Variants in FARS2 observed in about 807,000 individuals in gnomAD.
FARS2 encodes the protein phenylalanine--tRNA ligase, mitochondrial.
FARS2 carries 40 observed loss-of-function variants against 46.4 expected under a neutral mutation model. The observed-to-expected ratio is 0.86, with a 90% confidence interval of 0.67 to 1.12. The LOEUF is 1.12. FARS2 is among the 50% of genes most tolerant of loss of function. The probability of loss-of-function intolerance (pLI) is 0.00; values close to 1 mark genes in which losing one functional copy is unlikely to be tolerated. For synonymous variants in FARS2, 234 were observed against 214.9 expected (o/e 1.09, Z -0.78); for missense variants, 513 against 567.9 (o/e 0.90, Z 0.98).
intron 2 of FARS2, among the ~76,000 whole-genome samples, chr6:5,397,195 T>C (rs925586521): frequency 2.6e-5 from 4 of 152,284 alleles, no homozygotes; most frequent in Non-Finnish European, 4.4e-5. Flanking sequence ...GAAGACAAGC[T>C]GAAAAGGCTC....
At chr6:5,259,745 G>C (rs553572779), upstream of FARS2, among the ~76,000 whole-genome samples, 40 of 152,224 alleles carry the variant, frequency 2.6e-4, no homozygotes, top group East Asian at 2.1e-3. Flanking sequence ...GATCCAACCA[G>C]ATTCTTTCTC....
intron 1 of FARS2, among the ~76,000 whole-genome samples, chr6:5,294,795 C>T (rs1461934681): frequency 1.3e-5 from 2 of 152,108 alleles, no homozygotes; most frequent in African/African-American, 2.4e-5. Context: ...CCTCCAGGGA[C>T]CTTCGTGTGT....
chr6:5,335,508 T>G (rs1693019694), intron 1 of FARS2, among the ~76,000 whole-genome samples: 1 of 145,636 alleles, frequency 6.9e-6, no homozygotes, highest in Admixed American at 7.1e-5. Context: ...AATTGATTAG[T>G]TAGACTTATC....
chr6:5,266,789 A>T (rs1442341884), intron 1 of FARS2, among the ~76,000 whole-genome samples: 1 of 152,216 alleles, frequency 6.6e-6, no homozygotes, highest in Non-Finnish European at 1.5e-5. Flanking sequence ...ATATTCTGGG[A>T]ATCTCAAATG....
At chr6:5,361,361 G>C (rs891379580) in intron 1 of FARS2, among the ~76,000 whole-genome samples, 3 of 151,976 alleles carry the variant, frequency 2.0e-5, no homozygotes, top group Middle Eastern at 3.2e-3. Flanking sequence ...AAATAATACT[G>C]TAATGAAACT....
chr6:5,639,457 G>C (rs1776699360), intron 6 of FARS2, among the ~76,000 whole-genome samples: 1 of 152,168 alleles, frequency 6.6e-6, no homozygotes, highest in African/African-American at 2.4e-5. Flanking sequence ...CACTCATCTG[G>C]GAATCATGAC....
chr6:5,568,133 C>T (rs1460603932), intron 5 of FARS2, among the ~76,000 whole-genome samples: 1 of 152,202 alleles, frequency 6.6e-6, no homozygotes, highest in African/African-American at 2.4e-5. Context: ...TGTCCTTCCC[C>T]CTTTCTGTCT....
chr6:5,422,360 TTC>T (rs149247829), intron 3 of FARS2, among the ~76,000 whole-genome samples: 8 of 151,192 alleles, frequency 5.3e-5, no homozygotes, highest in Non-Finnish European at 7.4e-5. Flanking sequence ...GCCTGTTTGG[TTC>T]TCTCTCTCTC....
chr6:5,476,789 C>T (rs771532921), intron 4 of FARS2, among the ~76,000 whole-genome samples: 7 of 152,030 alleles, frequency 4.6e-5, no homozygotes, highest in Non-Finnish European at 7.4e-5. Context: ...CTTGGAACTG[C>T]GGCCAGAGTG....
At position 5,672,871 on chromosome 6, in the gene FARS2, C is replaced by T. The variant is rs577448562; in HGVS notation, c.1217+59551C>T. 2.4e-4 allele frequency among the ~76,000 whole-genome samples: 36 copies of T among 152,240 alleles called. No homozygotes were observed. In the South Asian group the frequency reaches 5.2e-3, roughly 22 times the overall value. Reference sequence around the variant, plus strand: ...CTGTATTTTGCCTTTGGATTAGAAACGCCTTTGAGTGGTGAGAGTAATGGG... The same window carrying T: ...CTGTATTTTGCCTTTGGATTAGAAATGCCTTTGAGTGGTGAGAGTAATGGG... On this transcript the variant is annotated intron_variant, in intron 6 of 6. Transcript: ENST00000274680.
chr6:5,669,787 G>A (rs1167143889), intron 6 of FARS2, among the ~76,000 whole-genome samples: 1 of 152,138 alleles, frequency 6.6e-6, no homozygotes, highest in Non-Finnish European at 1.5e-5. Context: ...ACCTGCAAGA[G>A]CACCCAGAGC....
At chr6:5,479,798 A>G (rs1375301499) in intron 4 of FARS2, among the ~76,000 whole-genome samples, 1 of 152,222 alleles carries the variant, frequency 6.6e-6, no homozygotes, top group African/African-American at 2.4e-5. Flanking sequence ...TGGTTAGGTA[A>G]CAACTTTAAA....
At chr6:5,618,754 G>T (rs11962015) in intron 6 of FARS2, among the ~76,000 whole-genome samples, 3 of 152,026 alleles carry the variant, frequency 2.0e-5, no homozygotes, top group African/African-American at 7.3e-5. Context: ...GCCACTTAAC[G>T]TGCAGAAGAG....
At chr6:5,540,237 T>G (rs979798669) in intron 4 of FARS2, among the ~76,000 whole-genome samples, 1 of 152,196 alleles carries the variant, frequency 6.6e-6, no homozygotes, top group Non-Finnish European at 1.5e-5. Flanking sequence ...ATACCTTTAT[T>G]TCTTATTGTT....
At chr6:5,399,268 G>A (rs991852658) in intron 2 of FARS2, among the ~76,000 whole-genome samples, 6 of 150,762 alleles carry the variant, frequency 4.0e-5, no homozygotes, top group Non-Finnish European at 7.4e-5. Flanking sequence ...CCTGCCTCCC[G>A]GGTTCAAGTG....
At chr6:5,551,367 A>G (rs1358322815) in intron 5 of FARS2, among the ~76,000 whole-genome samples, 1 of 152,272 alleles carries the variant, frequency 6.6e-6, no homozygotes, top group Non-Finnish European at 1.5e-5. Flanking sequence ...CTCAGACAGT[A>G]TAGGTTTTCT....
chr6:5,717,935 T>TATAGAG (rs546191530), intron 6 of FARS2, among the ~76,000 whole-genome samples: 1 of 135,642 alleles, frequency 7.4e-6, no homozygotes, highest in African/African-American at 3.1e-5. Flanking sequence ...TATATATATA[T>TATAGAG]ACAGAGTCTC....
chr6:5,360,210 A>G (rs546164511), intron 1 of FARS2, among the ~76,000 whole-genome samples: 1 of 152,350 alleles, frequency 6.6e-6, no homozygotes, highest in Middle Eastern at 3.4e-3. Flanking sequence ...TATTGGTTGA[A>G]TGGTACTATG....
At chr6:5,262,287 C>CT (rs1451612422) in intron 1 of FARS2, among the ~76,000 whole-genome samples, 6 of 151,804 alleles carry the variant, frequency 4.0e-5, no homozygotes, top group South Asian at 2.1e-4. Flanking sequence ...GTTTCCTTTT[C>CT]TTTTTTTTGA....
Sources: allele counts gnomAD v4.1 joint callset (sites outside exome capture counted in the v4.1 genomes callset), GRCh38; gene constraint gnomAD v4.1.1; transcripts MANE v1.5; gene names NCBI Gene and HGNC (gene_info 2026-07-23, HGNC 2026-07-21).